NINJ1: variants seen among roughly 807,000 people sequenced by gnomAD.
NINJ1 encodes ninjurin-1.
NINJ1 carries 6 observed loss-of-function variants against 12.7 expected under a neutral mutation model. The observed-to-expected ratio is 0.47, with a 90% CI of 0.26 to 0.93. NINJ1 has a LOEUF of 0.93. Ranked by LOEUF, NINJ1 falls within the 40% of genes least tolerant of loss-of-function variation. NINJ1 has a pLI of 0.15. For synonymous variants in NINJ1, 100 were observed against 96.0 expected (o/e 1.04, Z -0.25); for missense variants, 170 against 213.0 (o/e 0.80, Z 1.26).
At chr9:93,130,685 G>C (rs566765107) in intron 1 of NINJ1, among the ~76,000 whole-genome samples, 14 of 152,352 alleles carry the variant, frequency 9.2e-5, no homozygotes, top group Non-Finnish European at 1.8e-4. Context: ...TGGAGCGCAT[G>C]GCAGTGGGTG....
chr9:93,128,625 C>A (rs1827846801), intron 1 of NINJ1, among the ~76,000 whole-genome samples: 1 of 152,260 alleles, frequency 6.6e-6, no homozygotes, highest in African/African-American at 2.4e-5. Context: ...CCACAGTGGG[C>A]ATGTGCTCCT....
chr9:93,124,349 A>G (rs970643604), intron 3 of NINJ1, among the ~76,000 whole-genome samples: 3 of 152,102 alleles, frequency 2.0e-5, no homozygotes, highest in Non-Finnish European at 4.4e-5. Context: ...ATCTTAGCTC[A>G]CTGCAACCTC....
intron 1 of NINJ1, 107 bp from the exon 2 acceptor site, chr9:93,126,745 GC>G (rs1181918447): frequency 2.6e-6 from 2 of 780,400 alleles, no homozygotes; most frequent in East Asian, 5.3e-5. Flanking sequence ...GGCTTCCCTT[GC>G]CCCCACCCCT....
chr9:93,132,231 C>T (rs1016332068), intron 1 of NINJ1, among the ~76,000 whole-genome samples: 1 of 152,204 alleles, frequency 6.6e-6, no homozygotes. Flanking sequence ...TCCTGGGCCC[C>T]CAGGCTGGGT....
At chr9:93,126,895 T>C (rs1827821727) in intron 1 of NINJ1, among the ~76,000 whole-genome samples, 1 of 152,146 alleles carries the variant, frequency 6.6e-6, no homozygotes, top group Non-Finnish European at 1.5e-5. Flanking sequence ...CGCACTCTGA[T>C]TTTCCACTGG....
chr9:93,125,894 A>AAAAAC lies in NINJ1; in HGVS notation c.304+511_304+515dup, dbSNP rs142138005. Reference sequence around the variant, plus strand: ...TCAAGACACAGCAAGACCCGGTTTCAAAAACAAAACAAAACAAAACAAAAC... The same window carrying AAAAAC: ...TCAAGACACAGCAAGACCCGGTTTCAAAAACAAAACAAAACAAAACAAAACAAAAC... On this transcript the variant is annotated intron_variant, in intron 2 of 3. Coordinates refer to ENST00000375446, the MANE Select transcript of NINJ1 (RefSeq NM_004148.4). 7.4e-3 allele frequency: 1,166 copies of AAAAAC among 157,688 alleles called. 74 individuals carry two copies. In the East Asian group the frequency reaches 0.17, roughly 23 times the overall value. The allele number at this position is 157,688 out of a possible 1,614,324, so 9.8% of individuals were successfully genotyped here. A position where few individuals can be genotyped will look rare whatever the true frequency, so the allele number is the denominator to read the frequency against.
chr9:93,126,822 A>G (rs895732423), intron 1 of NINJ1, among the ~76,000 whole-genome samples, 184 bp from the exon 2 acceptor site: 18 of 152,280 alleles, frequency 1.2e-4, no homozygotes, highest in Middle Eastern at 3.4e-3. Flanking sequence ...CTCAGCCTTT[A>G]TAAAACCTCC....
chr9:93,134,196 A>C lies in NINJ1; in HGVS notation c.22T>G (p.Tyr8Asp), dbSNP rs2130756280. Residue 8 changes from tyrosine to aspartate, a missense_variant, in exon 1 of 4, where the codon TAC becomes GAC. Coordinates refer to ENST00000375446, the MANE Select transcript of NINJ1 (RefSeq NM_004148.4). MDSGTEE[Y>D]ELNGGLPPGT... ...GGAGGCAGGCCGCCGTTGAGCTCGT[A>C]CTCCTCGGTTCCCGAGTCCATGGTG... The C allele has an allele frequency of 1.3e-6, 2 of 1,528,610 alleles. No individual in the cohort carries two copies. Among genetic ancestry groups the C allele is most frequent in the Non-Finnish European group, 1.8e-6 (2 of 1,135,274 alleles). The allele number at this position is 1,528,610 out of a possible 1,614,324, so 94.7% of individuals were successfully genotyped here. A position where few individuals can be genotyped will look rare whatever the true frequency, so the allele number is the denominator to read the frequency against.
intron 1 of NINJ1, among the ~76,000 whole-genome samples, chr9:93,131,819 C>G (rs1827897979): frequency 6.6e-6 from 1 of 152,204 alleles, no homozygotes; most frequent in Non-Finnish European, 1.5e-5. Context: ...AGAGCCCACC[C>G]AGGTTGGAGT....
intron 1 of NINJ1, chr9:93,131,659 CATT>C (rs763352602): frequency 2.0e-5 from 3 of 152,414 alleles, no homozygotes; most frequent in Non-Finnish European, 4.4e-5. Context: ...TTCACATTAA[CATT>C]GTTGTTTACT....
At chr9:93,130,284 G>T (rs1827873458) in intron 1 of NINJ1, among the ~76,000 whole-genome samples, 1 of 152,164 alleles carries the variant, frequency 6.6e-6, no homozygotes, top group African/African-American at 2.4e-5. Flanking sequence ...CACATGTTGG[G>T]GCTGGGCCAC....
chr9:93,129,084 C>T (rs185116251), intron 1 of NINJ1, among the ~76,000 whole-genome samples: 97 of 152,320 alleles, frequency 6.4e-4, no homozygotes, highest in African/African-American at 2.3e-3. Flanking sequence ...TCCAGCTCCC[C>T]AAGCCTCAGC....
At chr9:93,127,071 C>T (rs973036168) in intron 1 of NINJ1, among the ~76,000 whole-genome samples, 9 of 152,216 alleles carry the variant, frequency 5.9e-5, no homozygotes, top group African/African-American at 1.7e-4. Context: ...TGCACACCGG[C>T]CCAGGCAAGA....
chr9:93,133,863 C>A (rs1024150173), intron 1 of NINJ1, among the ~76,000 whole-genome samples: 6 of 152,212 alleles, frequency 3.9e-5, no homozygotes, highest in Admixed American at 2.0e-4. Context: ...CCGAGGCCCC[C>A]TCCGCCGTGC....
rs374989028 is a variant in NINJ1, at chr9:93,134,126, T to A, written c.75+17A>T. The A allele has an allele frequency of 6.5e-7, 1 of 1,536,836 alleles. No homozygotes were observed. Among genetic ancestry groups the A allele is most frequent in the Non-Finnish European group, 8.8e-7 (1 of 1,138,060 alleles). On this transcript the variant is annotated intron_variant, in intron 1 of 3. Coordinates refer to ENST00000375446, the MANE Select transcript of NINJ1 (RefSeq NM_004148.4). ...AGGGCCTGGCAAGATCATGCAGCGGTGGGGGGAAGGTCTTACCGAGGCGTC... is the reference window on the plus strand; with the variant it reads ...AGGGCCTGGCAAGATCATGCAGCGGAGGGGGGAAGGTCTTACCGAGGCGTC...
Position 93,126,593 on chromosome 9 carries a change from A to G in NINJ1, c.121T>C (p.Tyr41His). 1 of 1,613,212 alleles carries G rather than the reference A, an allele frequency of 6.2e-7. No individual in the cohort carries two copies. Residue 41 changes from tyrosine (Y) to histidine (H), a missense_variant, in exon 2 of 4, where the codon TAC becomes CAC. Coordinates refer to ENST00000375446, the MANE Select transcript of NINJ1 (RefSeq NM_004148.4). Reference protein sequence around the residue: ...WRHGPINVNHYASKKSAAESM... With the variant: ...WRHGPINVNHHASKKSAAESM... ...TCGGCTGCGCTCTTCTTGCTGGCGTAATGGTTCACGTTGATGGGCCCGTGC... is the reference window on the plus strand; with the variant it reads ...TCGGCTGCGCTCTTCTTGCTGGCGTGATGGTTCACGTTGATGGGCCCGTGC...
At chr9:93,133,982 A>G (rs1031620291) in intron 1 of NINJ1, among the ~76,000 whole-genome samples, 161 bp downstream of exon 1, 5 of 152,210 alleles carry the variant, frequency 3.3e-5, no homozygotes, top group African/African-American at 1.2e-4. Flanking sequence ...TCCCGGGGGC[A>G]TCGTTCTGAC....
At chr9:93,126,769 G>A in intron 1 of NINJ1, 131 bp from the exon 2 acceptor site, 1 of 663,988 alleles carries the variant, frequency 1.5e-6, no homozygotes, top group East Asian at 2.7e-5. Flanking sequence ...TAAGTGCTCA[G>A]ACAGAAGTGC....
chr9:93,126,162 A>G lies in NINJ1; in HGVS notation c.304+248T>C, dbSNP rs1244683855. ...CAGTGAGCCGAGACTGCGCCACTGC[A>G]TTCCAGCCTGGGTGACAGAGGGGGA... On this transcript the variant is annotated intron_variant, in intron 2 of 3. Coordinates refer to ENST00000375446, the MANE Select transcript of NINJ1 (RefSeq NM_004148.4). 9.4e-6 allele frequency: 5 copies of G among 534,746 alleles called. No individual in the cohort carries two copies. In the African/African-American group the frequency reaches 9.6e-5, roughly 10 times the overall value. The allele number at this position is 534,746 out of a possible 1,614,324, so 33.1% of individuals were successfully genotyped here.
Sources: gnomAD v4.1 joint callset for allele counts (sites outside exome capture counted in the v4.1 genomes callset) on GRCh38, gnomAD v4.1.1 for gene constraint, MANE v1.5 for transcripts, NCBI Gene and HGNC (gene_info 2026-07-23, HGNC 2026-07-21) for gene names.